Variants in LDLRAD4 observed in about 807,000 individuals in gnomAD.
The protein encoded by LDLRAD4 is low density lipoprotein receptor class A domain containing 4, also known as low-density lipoprotein receptor class A domain-containing protein 4.
In LDLRAD4, 5 loss-of-function variants were observed where a neutral mutation model predicts 17.0. That is an observed-to-expected ratio of 0.29 (90% CI 0.15 to 0.62). The LOEUF (loss-of-function observed/expected upper bound fraction) is 0.62, where lower values mean the gene tolerates loss of function less well. Among genes scored for constraint, LDLRAD4 ranks in the 20% least tolerant of loss-of-function variants. The pLI is 0.84. For synonymous variants in LDLRAD4, 168 were observed against 171.8 expected, an observed-to-expected ratio of 0.98 and a Z score of 0.17; for missense variants, 340 against 424.7, an observed-to-expected ratio of 0.80 and a Z score of 1.75.
At chr18:13,353,025 A>C (rs2083133749) in intron 1 of LDLRAD4, among the ~76,000 whole-genome samples, 1 of 152,096 alleles carries the variant, frequency 6.6e-6, no homozygotes, top group African/African-American at 2.4e-5. Flanking sequence ...TTTAGTACTT[A>C]GTCCATTTTT....
At chr18:13,276,051 C>T (rs1194807009), upstream of LDLRAD4, among the ~76,000 whole-genome samples, 1 of 152,088 alleles carries the variant, frequency 6.6e-6, no homozygotes, top group East Asian at 1.9e-4. Flanking sequence ...TTCTGTCGCC[C>T]ATGCTGGAGT....
At chr18:13,296,560 C>G (rs1172428575) in intron 1 of LDLRAD4, among the ~76,000 whole-genome samples, 1 of 150,750 alleles carries the variant, frequency 6.6e-6, no homozygotes, top group Non-Finnish European at 1.5e-5. Context: ...GGGACCCACC[C>G]TAGGACTTCT....
intron 1 of LDLRAD4, among the ~76,000 whole-genome samples, chr18:13,353,840 G>A (rs901804671): frequency 6.6e-6 from 1 of 152,194 alleles, no homozygotes; most frequent in East Asian, 1.9e-4. Context: ...TCTTCAGTAG[G>A]CATTTGCTTA....
intron 1 of LDLRAD4, among the ~76,000 whole-genome samples, chr18:13,257,538 G>A (rs537579670): frequency 6.6e-6 from 1 of 152,348 alleles, no homozygotes; most frequent in South Asian, 2.1e-4. Flanking sequence ...ATGGGCAGGC[G>A]TGTGTGGGGT....
chr18:13,249,922 G>A (rs190501042), intron 1 of LDLRAD4, among the ~76,000 whole-genome samples: 2 of 152,202 alleles, frequency 1.3e-5, no homozygotes, highest in Non-Finnish European at 2.9e-5. Flanking sequence ...GTTGATTTTT[G>A]TATACGGTGA....
intron 4 of LDLRAD4, among the ~76,000 whole-genome samples, chr18:13,624,828 G>A (rs537296991): frequency 1.5e-3 from 229 of 152,370 alleles, no homozygotes; most frequent in African/African-American, 5.1e-3. Flanking sequence ...GCAGTCCTCT[G>A]TCTCCTGGGC....
At chr18:13,598,556 A>G (rs2095121970) in intron 3 of LDLRAD4, among the ~76,000 whole-genome samples, 1 of 152,210 alleles carries the variant, frequency 6.6e-6, no homozygotes, top group Admixed American at 6.5e-5. Context: ...GGTTCTTCTT[A>G]ACTGTCTCTT....
intron 2 of LDLRAD4, among the ~76,000 whole-genome samples, chr18:13,408,837 T>C (rs1416360172): frequency 6.6e-6 from 1 of 152,198 alleles, no homozygotes; most frequent in African/African-American, 2.4e-5. Flanking sequence ...CTTTTTTTTC[T>C]TTCTCTTTCT....
intron 3 of LDLRAD4, among the ~76,000 whole-genome samples, chr18:13,554,433 A>G (rs1163436761): frequency 2.0e-5 from 3 of 152,170 alleles, no homozygotes; most frequent in Non-Finnish European, 4.4e-5. Flanking sequence ...TTACCTTAAA[A>G]TGTAGCTTTA....
intron 3 of LDLRAD4, among the ~76,000 whole-genome samples, chr18:13,532,884 G>A (rs1384596632): frequency 6.6e-6 from 1 of 152,220 alleles, no homozygotes; most frequent in East Asian, 1.9e-4. Context: ...TGAGGGTCAG[G>A]GGCCCTGTCC....
intron 3 of LDLRAD4, among the ~76,000 whole-genome samples, chr18:13,455,147 C>T (rs1032843360): frequency 6.6e-6 from 1 of 152,120 alleles, no homozygotes; most frequent in African/African-American, 2.4e-5. Flanking sequence ...TGTCCTGGCA[C>T]CAGGACCAGG....
intron 5 of LDLRAD4, chr18:13,644,856 G>A (rs752575190): frequency 1.9e-4 from 85 of 444,696 alleles, no homozygotes; most frequent in Non-Finnish European, 3.0e-4. Context: ...AAACTCCCAG[G>A]AGCCCAAGCT....
At chr18:13,625,582 C>T (rs1275754767) in intron 4 of LDLRAD4, among the ~76,000 whole-genome samples, 1 of 152,146 alleles carries the variant, frequency 6.6e-6, no homozygotes, top group Non-Finnish European at 1.5e-5. Flanking sequence ...TGCCCCGCTG[C>T]CTTCTCTGGC....
At chr18:13,332,791 A>G (rs73421308) in intron 1 of LDLRAD4, among the ~76,000 whole-genome samples, 2,249 of 148,462 alleles carry the variant, frequency 0.015, 28 homozygotes, top group African/African-American at 0.043. Context: ...TGGATGTACC[A>G]TGGTTTGTTT....
intron 1 of LDLRAD4, among the ~76,000 whole-genome samples, chr18:13,322,974 G>A (rs767388007): frequency 5.9e-5 from 9 of 152,076 alleles, no homozygotes; most frequent in Non-Finnish European, 1.2e-4. Context: ...GATGGATAAT[G>A]TAAATTTGTG....
intron 1 of LDLRAD4, among the ~76,000 whole-genome samples, chr18:13,299,121 A>G (rs1331029958): frequency 6.6e-6 from 1 of 152,198 alleles, no homozygotes; most frequent in Non-Finnish European, 1.5e-5. Context: ...AGTTAGTGTG[A>G]GATCGGAGCA....
intron 4 of LDLRAD4, among the ~76,000 whole-genome samples, chr18:13,630,770 C>T (rs1423633418): frequency 6.6e-6 from 1 of 152,214 alleles, no homozygotes; most frequent in East Asian, 1.9e-4. Flanking sequence ...TATCACAACA[C>T]AAAAGCCTCC....
At chr18:13,322,554 C>T (rs2081314327) in intron 1 of LDLRAD4, among the ~76,000 whole-genome samples, 1 of 152,004 alleles carries the variant, frequency 6.6e-6, no homozygotes, top group Non-Finnish European at 1.5e-5. Flanking sequence ...CCTGCCTCAG[C>T]CTCCCAAAGT....
At position 13,473,262 on chromosome 18, in the gene LDLRAD4, C is replaced by T. The variant is rs150930362; in HGVS notation, c.181+34878C>T. ...AATCCCACAAGGGTAAGAAAGAGCA[C>T]GTGGCCTGGATTCTTCATCCCATCT... On this transcript the variant is annotated intron_variant, in intron 3 of 5. Transcript: ENST00000359446. Among the ~76,000 whole-genome samples the T allele has an allele frequency of 1.9e-3, 292 of 152,288 alleles. 3 individuals carry two copies. Among genetic ancestry groups the T allele is most frequent in the South Asian group, 7.1e-3 (34 of 4,820 alleles).
Sources: allele counts gnomAD v4.1 joint callset (sites outside exome capture counted in the v4.1 genomes callset), GRCh38; gene constraint gnomAD v4.1.1; transcripts MANE v1.5; gene names NCBI Gene and HGNC (gene_info 2026-07-23, HGNC 2026-07-21).